The following SMAD5 variants were observed in gnomAD, a reference collection of about 807,000 sequenced individuals.
SMAD5 encodes MAD, mothers against decapentaplegic homolog 5.
A neutral mutation model predicts 43.1 loss-of-function variants in SMAD5; 9 were observed. The ratio of observed to expected loss-of-function variants is 0.21; its 90% CI spans 0.13 to 0.36. The LOEUF (loss-of-function observed/expected upper bound fraction) is 0.36. Ranked by LOEUF, SMAD5 falls within the 10% of genes least tolerant of loss-of-function variation. The pLI, the probability that SMAD5 is intolerant of heterozygous loss-of-function variation, is 1.00. For synonymous variants in SMAD5, 190 were observed against 192.4 expected (o/e 0.99, Z 0.10); for missense variants, 348 against 574.0 (o/e 0.61, Z 4.02).
chr5:136,177,139 C>T (rs988829872), intron 7 of SMAD5, among the ~76,000 whole-genome samples, 198 bp from the exon 8 acceptor site: 11 of 152,228 alleles, frequency 7.2e-5, no homozygotes, highest in African/African-American at 2.4e-4. Flanking sequence ...TTTTAGAATT[C>T]ATGAATCTTT....
intron 5 of SMAD5, among the ~76,000 whole-genome samples, chr5:136,168,805 A>G (rs1307446697): frequency 6.6e-6 from 1 of 152,216 alleles, no homozygotes; most frequent in Non-Finnish European, 1.5e-5. Context: ...CATAGTTAGA[A>G]TCATACAGTA....
intron 7 of SMAD5, among the ~76,000 whole-genome samples, chr5:136,175,519 C>G (rs1272666063): frequency 2.6e-5 from 4 of 152,126 alleles, no homozygotes; most frequent in Admixed American, 1.3e-4. Flanking sequence ...AGTTTTTCAT[C>G]TACTCTCTTC....
chr5:136,161,226 CTTTA>C (rs1033056417), intron 4 of SMAD5, 119 bp downstream of exon 4: 14 of 832,830 alleles, frequency 1.7e-5, no homozygotes, highest in Non-Finnish European at 2.1e-5. Context: ...GTTTCTGACT[CTTTA>C]TTCTTTAGGT....
rs1479715548 is a variant in SMAD5 at position 136,177,480 on chromosome 5, A to G, written c.1398A>G (p.Ter466=). ...SPLNPISSVS[*] is the part of the protein sequence containing the mutation. Reference sequence around the variant, plus strand: ...TGAACCCCATATCTTCTGTTTCATAATGCAGAAGTATTCTTTTCAATTATA... The same window carrying G: ...TGAACCCCATATCTTCTGTTTCATAGTGCAGAAGTATTCTTTTCAATTATA... The change falls in exon 8 of 8, where the codon TAA becomes TAG. Residue 466 remains the stop codon, a stop_retained_variant. Transcript: ENST00000545279. 1 of 1,604,336 alleles carries G rather than the reference A, an allele frequency of 6.2e-7. No homozygotes were observed. Among genetic ancestry groups the G allele is most frequent in the Admixed American group, 1.7e-5 (1 of 58,858 alleles).
chr5:136,153,223 T>C (rs1041370167), intron 2 of SMAD5, among the ~76,000 whole-genome samples: 12 of 152,188 alleles, frequency 7.9e-5, no homozygotes, highest in African/African-American at 2.2e-4. Context: ...ACGTTCAAAA[T>C]TGACATAGCA....
At chr5:136,171,707 GAT>G (rs1754225905) in intron 5 of SMAD5, among the ~76,000 whole-genome samples, 1 of 152,192 alleles carries the variant, frequency 6.6e-6, no homozygotes, top group South Asian at 2.1e-4. Context: ...ATATGTAGAT[GAT>G]ATTTGGATGA....
intron 1 of SMAD5, 150 bp from the exon 2 acceptor site, chr5:136,147,682 T>A (rs1229304314): frequency 1.3e-5 from 2 of 151,906 alleles, no homozygotes; most frequent in African/African-American, 4.8e-5. Flanking sequence ...AAGGCTGTTT[T>A]GAAATTTAAT....
At chr5:136,167,010 T>A (rs958170625) in intron 5 of SMAD5, among the ~76,000 whole-genome samples, 1 of 152,224 alleles carries the variant, frequency 6.6e-6, no homozygotes, top group African/African-American at 2.4e-5. Context: ...ATTTTCTCCT[T>A]TCTTTTTGCC....
chr5:136,164,234 G>A (rs544098199), intron 5 of SMAD5, among the ~76,000 whole-genome samples: 1 of 152,206 alleles, frequency 6.6e-6, no homozygotes, highest in African/African-American at 2.4e-5. Context: ...TCTTTTTGTG[G>A]ATATTGTTTT....
chr5:136,177,229 T>C, intron 7 of SMAD5, 108 bp from the exon 8 acceptor site: 1 of 890,682 alleles, frequency 1.1e-6, no homozygotes, highest in East Asian at 2.5e-5. Context: ...TTATGTAACT[T>C]CTACATATCT....
chr5:136,182,701 C>A lies in SMAD5; in HGVS notation c.*5221C>A, dbSNP rs1273575725. 1 of 152,538 alleles carries A rather than the reference C, an allele frequency of 6.6e-6. No homozygotes were observed. The highest frequency in any genetic ancestry group is 1.9e-4 in the East Asian group (1 of 5,202). The allele number at this position is 152,538 out of a possible 1,614,324, so 9.4% of individuals were successfully genotyped here. ...GAACTTTGTTTTTGCATATTGTTTG[C>A]TAATTCTTTACTTTAATAAACCTCA... On this transcript the variant is annotated 3_prime_UTR_variant, in exon 8 of 8. Transcript: ENST00000545279.
intron 1 of SMAD5, among the ~76,000 whole-genome samples, chr5:136,139,747 G>C (rs1753010555): frequency 6.6e-6 from 1 of 152,174 alleles, no homozygotes; most frequent in Admixed American, 6.5e-5. Context: ...CCAGGCTGGA[G>C]TGCAGTGGCA....
chr5:136,175,040 G>A (rs908235559), intron 7 of SMAD5, among the ~76,000 whole-genome samples: 3 of 150,982 alleles, frequency 2.0e-5, no homozygotes, highest in Non-Finnish European at 4.4e-5. Context: ...CAATCATGGC[G>A]GAAGGTGAAG....
At chr5:136,167,989 T>G (rs528164069) in intron 5 of SMAD5, among the ~76,000 whole-genome samples, 1 of 152,158 alleles carries the variant, frequency 6.6e-6, no homozygotes, top group South Asian at 2.1e-4. Flanking sequence ...CATACGCATG[T>G]GCCACCACAC....
intron 5 of SMAD5, among the ~76,000 whole-genome samples, chr5:136,171,289 T>C (rs1754208321): frequency 6.6e-6 from 1 of 152,228 alleles, no homozygotes; most frequent in Admixed American, 6.5e-5. Flanking sequence ...ATACTGATTA[T>C]AGTTAAATCC....
chr5:136,133,027 G>A (rs974533140), intron 1 of SMAD5, 65 bp downstream of exon 1: 3 of 152,462 alleles, frequency 2.0e-5, no homozygotes, highest in Admixed American at 6.5e-5. Flanking sequence ...TGCCCCGGCG[G>A]ACTCGGGCCG....
At chr5:136,161,160 G>A in intron 4 of SMAD5, 53 bp downstream of exon 4, 2 of 1,560,258 alleles carry the variant, frequency 1.3e-6, no homozygotes, top group South Asian at 2.3e-5. Flanking sequence ...AAGAATCACA[G>A]TTGTTCTTAC....
intron 1 of SMAD5, chr5:136,134,926 C>T (rs1354683049): frequency 1.3e-5 from 2 of 152,198 alleles, no homozygotes; most frequent in Admixed American, 6.5e-5. Context: ...GATTAACCTT[C>T]TCAACTGACT....
chr5:136,157,703 G>A (rs981017681), intron 3 of SMAD5, among the ~76,000 whole-genome samples: 3 of 152,132 alleles, frequency 2.0e-5, no homozygotes, highest in South Asian at 2.1e-4. Context: ...GACAGGAGGC[G>A]GAGTTCAGGC....
Sources: allele counts gnomAD v4.1 joint callset (sites outside exome capture counted in the v4.1 genomes callset), GRCh38; gene constraint gnomAD v4.1.1; transcripts MANE v1.5; gene names NCBI Gene and HGNC (gene_info 2026-07-23, HGNC 2026-07-21).